SLC35D2: variants seen among roughly 807,000 people sequenced by gnomAD.
SLC35D2 encodes the protein nucleotide sugar transporter SLC35D2.
SLC35D2 carries 43 observed loss-of-function variants against 41.8 expected under a neutral mutation model. The ratio of observed to expected loss-of-function variants is 1.03; its 90% CI spans 0.81 to 1.33. The LOEUF is 1.33. Among genes scored for constraint, SLC35D2 ranks in the 40% most tolerant of loss-of-function variants. The probability of loss-of-function intolerance (pLI) is 0.00; values close to 1 mark genes in which losing one functional copy is unlikely to be tolerated. For synonymous variants in SLC35D2, 150 were observed against 163.9 expected (o/e 0.92, Z 0.65); for missense variants, 380 against 408.4 (o/e 0.93, Z 0.60).
At chr9:96,345,433 A>T in intron 6 of SLC35D2, 32 bp from the exon 7 acceptor site, 1 of 1,277,246 alleles carries the variant, frequency 7.8e-7, no homozygotes, top group Non-Finnish European at 1.1e-6. Context: ...GAGAATGATT[A>T]CTCAAAAACT....
chr9:96,361,300 A>T (rs971504131), intron 3 of SLC35D2, among the ~76,000 whole-genome samples: 3 of 152,146 alleles, frequency 2.0e-5, no homozygotes, highest in Non-Finnish European at 4.4e-5. Context: ...CCCCAATGTG[A>T]CTGTATTTGG....
At chr9:96,355,869 T>C (rs1414343471) in intron 4 of SLC35D2, among the ~76,000 whole-genome samples, 2 of 152,234 alleles carry the variant, frequency 1.3e-5, no homozygotes, top group Non-Finnish European at 2.9e-5. Flanking sequence ...TCCATGTTCA[T>C]GGATCAAAAG....
At chr9:96,327,649 TCTCA>T (rs1828603729) in intron 9 of SLC35D2, among the ~76,000 whole-genome samples, 1 of 150,270 alleles carries the variant, frequency 6.7e-6, no homozygotes, top group Non-Finnish European at 1.5e-5. Context: ...AAAGATGGGG[TCTCA>T]CTCTTTCGCC....
At chr9:96,367,519 A>G (rs937030354) in intron 2 of SLC35D2, among the ~76,000 whole-genome samples, 2 of 151,856 alleles carry the variant, frequency 1.3e-5, no homozygotes, top group Non-Finnish European at 2.9e-5. Flanking sequence ...TCATCCTTGT[A>G]CTTGTAATCC....
chr9:96,380,036 G>A (rs1183090371), intron 1 of SLC35D2, among the ~76,000 whole-genome samples: 1 of 151,500 alleles, frequency 6.6e-6, no homozygotes, highest in African/African-American at 2.4e-5. Context: ...AGCTGGTATT[G>A]CAGGCACCTG....
intron 2 of SLC35D2, among the ~76,000 whole-genome samples, chr9:96,367,607 AC>A (rs1268828175): frequency 3.3e-5 from 5 of 152,018 alleles, no homozygotes; most frequent in Non-Finnish European, 5.9e-5. Flanking sequence ...ACATGGCGAA[AC>A]CCCGTCTCTA....
intron 1 of SLC35D2, among the ~76,000 whole-genome samples, chr9:96,373,685 C>CA (rs11315245): frequency 0.043 from 4,866 of 114,016 alleles, 96 homozygotes; most frequent in Non-Finnish European, 0.062. Flanking sequence ...AAGACTCTCT[C>CA]AAAAAAAAAA....
At chr9:96,354,845 C>T (rs1049132246) in intron 4 of SLC35D2, among the ~76,000 whole-genome samples, 2 of 144,540 alleles carry the variant, frequency 1.4e-5, no homozygotes, top group Non-Finnish European at 3.0e-5. Flanking sequence ...AATTCTTAGA[C>T]ACAATTTTAA....
chr9:96,318,057 G>T (rs1249330730), downstream of SLC35D2, among the ~76,000 whole-genome samples: 1 of 149,814 alleles, frequency 6.7e-6, no homozygotes, highest in Non-Finnish European at 1.5e-5. Context: ...AAGTCTGGGA[G>T]CTCCAAGTTT....
In SLC35D2 at chr9:96,378,376, C is replaced by T. The variant is rs1051843789; in HGVS notation, c.158+5101G>A. On this transcript the variant is annotated intron_variant, in intron 1 of 11. Transcript: ENST00000253270. ...TGAGCCAGCAGAGGTTCCAGTGAGC[C>T]GAGATTGCATCACTGCACTCCAGCC... Among the ~76,000 whole-genome samples, 61 of 151,882 alleles carry T rather than the reference C, an allele frequency of 4.0e-4. 1 individual carries two copies. The highest frequency in any genetic ancestry group is 1.4e-3 in the African/African-American group (56 of 41,420).
At chr9:96,363,300 C>T (rs985298183) in intron 3 of SLC35D2, among the ~76,000 whole-genome samples, 2 of 152,158 alleles carry the variant, frequency 1.3e-5, no homozygotes, top group African/African-American at 4.8e-5. Context: ...CCACACTGGG[C>T]TCCCCTGATT....
At chr9:96,374,860 T>C (rs796221685) in intron 1 of SLC35D2, among the ~76,000 whole-genome samples, 46 of 150,686 alleles carry the variant, frequency 3.1e-4, no homozygotes, top group African/African-American at 1.1e-3. Flanking sequence ...AAAAAAAAAA[T>C]TCATTTATGT....
intron 1 of SLC35D2, among the ~76,000 whole-genome samples, chr9:96,381,730 G>C (rs1194925331): frequency 6.6e-6 from 1 of 152,172 alleles, no homozygotes; most frequent in African/African-American, 2.4e-5. Context: ...AGAACGGTGG[G>C]AAAACACTGT....
intron 4 of SLC35D2, 104 bp from the exon 5 acceptor site, chr9:96,352,213 C>T (rs1319139061): frequency 1.6e-6 from 1 of 633,486 alleles, no homozygotes; most frequent in Non-Finnish European, 2.7e-6. Flanking sequence ...TTTTCCAAAT[C>T]AATTTTCACA....
chr9:96,348,448 C>T (rs1181771645), intron 6 of SLC35D2, among the ~76,000 whole-genome samples: 2 of 152,034 alleles, frequency 1.3e-5, no homozygotes, highest in African/African-American at 2.4e-5. Context: ...TGTTGGACAG[C>T]GTGGATGGCG....
chr9:96,383,647 C>A lies in SLC35D2; in HGVS notation c.-13G>T. The A allele has an allele frequency of 9.6e-7, 1 of 1,037,752 alleles. No homozygotes were observed. The highest frequency in any genetic ancestry group is 1.2e-6 in the Non-Finnish European group (1 of 866,894). The allele number at this position is 1,037,752 out of a possible 1,614,324, so 64.3% of individuals were successfully genotyped here. On this transcript the variant is annotated 5_prime_UTR_variant, in exon 1 of 12. Coordinates refer to ENST00000253270, the MANE Select transcript of SLC35D2 (RefSeq NM_007001.3). The stretch of plus-strand genomic sequence containing the variant: ...CGCCGGCCGTCATCTCCTGCGGCCC[C>A]GCGGACCCCGCCGCCCGCCAGCCCC...
intron 4 of SLC35D2, among the ~76,000 whole-genome samples, chr9:96,356,382 C>CTTTTTTTTT (rs199569097): frequency 2.0e-5 from 2 of 101,434 alleles, no homozygotes; most frequent in Non-Finnish European, 4.2e-5. Context: ...TTTATTTATT[C>CTTTTTTTTT]TTTTTTTTTT....
Position 96,383,500 on chromosome 9 carries a change from G to C in SLC35D2, c.135C>G (p.Asn45Lys), listed in dbSNP as rs751366204. Residue 45 changes from asparagine (N) to lysine (K), a missense_variant, in exon 1 of 12, where the codon AAC becomes AAG. Physicochemically the swap from Asn to Lys is moderately conservative, Grantham distance 94 (BLOSUM62 0). Transcript: ENST00000253270. ...GTCSFLIVLVNKALLTTYGFP... is the reference protein window; with the variant it reads ...GTCSFLIVLVKKALLTTYGFP... ...ACCCGTAGGTGGTCAGCAGCGCCTT[G>C]TTGACAAGCACGATGAGGAAGGAGC... The C allele has an allele frequency of 2.3e-5, 36 of 1,537,582 alleles. No individual in the cohort carries two copies. The highest frequency in any genetic ancestry group is 9.6e-6 in the Non-Finnish European group (11 of 1,141,838).
intron 1 of SLC35D2, 135 bp from the exon 2 acceptor site, chr9:96,368,440 C>A: frequency 5.0e-6 from 3 of 601,622 alleles, no homozygotes; most frequent in African/African-American, 2.0e-5. Context: ...TCATTTAATT[C>A]TTTTTTTTTT....
Sources: allele counts gnomAD v4.1 joint callset (sites outside exome capture counted in the v4.1 genomes callset), GRCh38; gene constraint gnomAD v4.1.1; transcripts MANE v1.5; gene names NCBI Gene and HGNC (gene_info 2026-07-23, HGNC 2026-07-21).